The following ERC2 variants were observed in gnomAD, a reference collection of about 807,000 sequenced individuals.
ERC2 encodes the protein ERC protein 2.
In ERC2, 42 loss-of-function variants were observed where a neutral mutation model predicts 114.8. The observed-to-expected ratio is 0.37, with a 90% CI of 0.29 to 0.47. The LOEUF is 0.47. Ranked by LOEUF, ERC2 falls within the 20% of genes least tolerant of loss-of-function variation. The pLI is 0.99. For missense variants in ERC2, 939 were observed against 1,150.7 expected (o/e 0.82, Z 2.66); for synonymous variants, 454 against 425.5 (o/e 1.07, Z -0.82).
At chr3:55,709,288 C>T (rs1209464667) in intron 15 of ERC2, among the ~76,000 whole-genome samples, 1 of 152,120 alleles carries the variant, frequency 6.6e-6, no homozygotes, top group Admixed American at 6.5e-5. Flanking sequence ...GAGGGGTTCA[C>T]ATACCCTTGG....
chr3:55,829,275 A>G (rs972899385), intron 14 of ERC2, among the ~76,000 whole-genome samples: 76 of 152,352 alleles, frequency 5.0e-4, no homozygotes, highest in African/African-American at 1.8e-3. Context: ...TATTATAACT[A>G]TGCTCCTAAG....
At chr3:55,719,642 G>T (rs1446902047) in intron 15 of ERC2, among the ~76,000 whole-genome samples, 1 of 152,110 alleles carries the variant, frequency 6.6e-6, no homozygotes, top group East Asian at 1.9e-4. Flanking sequence ...CTGCTATTAA[G>T]ATAAATCAGC....
chr3:55,747,199 T>C (rs372070707), intron 14 of ERC2, among the ~76,000 whole-genome samples: 1 of 152,230 alleles, frequency 6.6e-6, no homozygotes, highest in African/African-American at 2.4e-5. Flanking sequence ...TTTTTCATTC[T>C]TTGACTAAAG....
At chr3:56,072,715 T>A (rs988067282) in intron 7 of ERC2, among the ~76,000 whole-genome samples, 1 of 152,214 alleles carries the variant, frequency 6.6e-6, no homozygotes, top group African/African-American at 2.4e-5. Context: ...AGTGTTTTTA[T>A]TTTCAGTCAG....
chr3:56,169,137 A>G (rs1207235415), intron 4 of ERC2, among the ~76,000 whole-genome samples: 13 of 152,188 alleles, frequency 8.5e-5, no homozygotes, highest in Non-Finnish European at 1.8e-4. Flanking sequence ...TTTAGTTAAC[A>G]AGTTCACCAA....
At chr3:55,631,012 T>A (rs1368927116) in intron 17 of ERC2, among the ~76,000 whole-genome samples, 1 of 151,796 alleles carries the variant, frequency 6.6e-6, no homozygotes, top group Non-Finnish European at 1.5e-5. Context: ...ATGGTCCTGG[T>A]GGTGAAGATA....
At chr3:55,984,462 A>T (rs7356061) in intron 12 of ERC2, among the ~76,000 whole-genome samples, 47,749 of 151,932 alleles carry the variant, frequency 0.31, 8,508 homozygotes, top group Middle Eastern at 0.4. Context: ...AGGGCAGCAA[A>T]GGGAAGGCAA....
intron 13 of ERC2, among the ~76,000 whole-genome samples, chr3:55,926,083 T>A (rs1037657592): frequency 9.9e-5 from 15 of 152,202 alleles, no homozygotes; most frequent in African/African-American, 3.6e-4. Flanking sequence ...GGTTTATGAA[T>A]TATTATTATT....
intron 2 of ERC2, among the ~76,000 whole-genome samples, chr3:56,299,228 C>T (rs1041282438): frequency 1.1e-4 from 16 of 149,244 alleles, no homozygotes; most frequent in African/African-American, 2.5e-4. Flanking sequence ...CCCGGGTTCA[C>T]GCCTTTCTGC....
chr3:55,568,598 C>A (rs2056518157), intron 17 of ERC2, among the ~76,000 whole-genome samples: 1 of 152,178 alleles, frequency 6.6e-6, no homozygotes, highest in Non-Finnish European at 1.5e-5. Flanking sequence ...AATCCAACTG[C>A]TTCCCTCCAT....
chr3:56,347,278 T>G (rs554332860), intron 2 of ERC2, among the ~76,000 whole-genome samples: 1 of 152,162 alleles, frequency 6.6e-6, no homozygotes, highest in Non-Finnish European at 1.5e-5. Flanking sequence ...ATTAAGCTAC[T>G]GTCTCCCAGC....
chr3:55,805,045 A>G (rs929962222), intron 14 of ERC2, among the ~76,000 whole-genome samples: 10 of 152,058 alleles, frequency 6.6e-5, no homozygotes, highest in African/African-American at 2.4e-4. Context: ...AACAGGAGCT[A>G]TATTTTTATT....
At chr3:56,207,309 CAAAAAG>C (rs1297384081) in intron 3 of ERC2, among the ~76,000 whole-genome samples, 1 of 151,882 alleles carries the variant, frequency 6.6e-6, no homozygotes, top group Non-Finnish European at 1.5e-5. Context: ...TAGTTTAGGG[CAAAAAG>C]TAATCATAAT....
Position 56,434,530 on chromosome 3 carries a change from C to G in ERC2, c.478G>C (p.Glu160Gln), listed in dbSNP as rs2061933261. 3 of 1,614,048 alleles carry G rather than the reference C, an allele frequency of 1.9e-6. No individual in the cohort carries two copies. The African/African-American group carries it at 4.0e-5, about 22-fold the overall frequency. ...LQAQLKELQR[E>Q]NDLLRKELDI... Reference sequence around the variant, plus strand: ...AGCTCTTTCCGGAGGAGGTCATTCTCTCTCTGCAGTTCTTTCAGCTGGGCC... The same window carrying G: ...AGCTCTTTCCGGAGGAGGTCATTCTGTCTCTGCAGTTCTTTCAGCTGGGCC... Residue 160 changes from glutamate to glutamine, a missense_variant, in exon 2 of 18, where the codon GAG becomes CAG. By Grantham distance (29) the Glu-to-Gln change is conservative. Around this residue, in one of 5 missense-constraint regions of ERC2, gnomAD observed 281 missense variants for 307.4 expected, o/e 0.91. Transcript: ENST00000288221.
chr3:56,396,172 C>A (rs77838500), intron 2 of ERC2, among the ~76,000 whole-genome samples: 2,406 of 152,214 alleles, frequency 0.016, 33 homozygotes, highest in Middle Eastern at 0.038. Flanking sequence ...TGTTCATATC[C>A]TTTTACTTAG....
At chr3:56,417,872 T>C (rs1030376479) in intron 2 of ERC2, among the ~76,000 whole-genome samples, 1 of 152,218 alleles carries the variant, frequency 6.6e-6, no homozygotes, top group Non-Finnish European at 1.5e-5. Flanking sequence ...AAGCATCATG[T>C]AGTAATGTCA....
chr3:56,127,594 A>G (rs1382830763), intron 6 of ERC2, among the ~76,000 whole-genome samples: 1 of 152,028 alleles, frequency 6.6e-6, no homozygotes, highest in African/African-American at 2.4e-5. Context: ...ACGGTGGCAG[A>G]TGCCTGCAAT....
At chr3:56,383,610 C>G (rs1262087517) in intron 2 of ERC2, among the ~76,000 whole-genome samples, 2 of 152,170 alleles carry the variant, frequency 1.3e-5, no homozygotes, top group Non-Finnish European at 2.9e-5. Context: ...AGAAAAGCAT[C>G]AAATCACATC....
rs56851837 is a variant in ERC2, at chr3:55,942,266, CTTTTTTTTTTTTTTTTTTTT to C, written c.2403+8139_2403+8158del. ...TATTAAATGAAGTCTAAGGTCCTTT[CTTTTTTTTTTTTTTTTTTTT>C]TTTTTTTTTTTTTTTTTGTTGAGAC... is the stretch of plus-strand genomic sequence containing the variant. On this transcript the variant is annotated intron_variant, in intron 13 of 17. Transcript: ENST00000288221. 1.4e-3 allele frequency among the ~76,000 whole-genome samples: 57 copies of C among 42,114 alleles called. 3 individuals are homozygous for C. In the East Asian group the frequency reaches 0.034, roughly 25 times the overall value. 27.6% of individuals were successfully genotyped at this position (42,114 alleles called of 152,430 possible).
Sources: gnomAD v4.1 joint callset for allele counts (sites outside exome capture counted in the v4.1 genomes callset) on GRCh38, gnomAD v4.1.1 for gene constraint, gnomAD v4.1.1 regional missense constraint, MANE v1.5 for transcripts, NCBI Gene and HGNC (gene_info 2026-07-23, HGNC 2026-07-21) for gene names.